The following NAALADL2 variants were observed in gnomAD, a reference collection of about 807,000 sequenced individuals.
NAALADL2 encodes the protein N-acetylated alpha-linked acidic dipeptidase like 2, also known as inactive N-acetylated-alpha-linked acidic dipeptidase-like protein 2.
In NAALADL2, 76 loss-of-function variants were observed where a neutral mutation model predicts 87.2. The ratio of observed to expected loss-of-function variants is 0.87; its 90% CI spans 0.72 to 1.05. NAALADL2 has a LOEUF of 1.05. Ranked by LOEUF, NAALADL2 falls within the 50% of genes least tolerant of loss-of-function variation. The pLI, the probability that NAALADL2 is intolerant of heterozygous loss-of-function variation, is 0.00. For missense variants in NAALADL2, 1,089 were observed against 945.8 expected (o/e 1.15, Z -1.99); for synonymous variants, 354 against 331.0 (o/e 1.07, Z -0.75).
intron 5 of NAALADL2, among the ~76,000 whole-genome samples, chr3:175,352,046 G>A (rs185153214): frequency 7.2e-4 from 110 of 152,162 alleles, no homozygotes; most frequent in African/African-American, 1.9e-3. Flanking sequence ...ACAGTGACAC[G>A]CATGCATCGA....
chr3:174,657,046 T>C (rs1725020023), intron 2 of NAALADL2, among the ~76,000 whole-genome samples: 1 of 144,266 alleles, frequency 6.9e-6, no homozygotes, highest in East Asian at 2.0e-4. Flanking sequence ...TTCTTCTTTT[T>C]TTTTTTTTTT....
At chr3:174,812,296 A>G (rs886362913) in intron 3 of NAALADL2, among the ~76,000 whole-genome samples, 43 of 152,184 alleles carry the variant, frequency 2.8e-4, no homozygotes, top group African/African-American at 9.9e-4. Flanking sequence ...ATAGTCCCAT[A>G]TAAGATTTTA....
chr3:174,490,953 A>G (rs1179739458), intron 1 of NAALADL2, among the ~76,000 whole-genome samples: 2 of 152,156 alleles, frequency 1.3e-5, no homozygotes, highest in East Asian at 3.9e-4. Context: ...GAGAGATAAC[A>G]TACTTTAAGA....
chr3:174,601,111 A>T (rs1718414471), intron 2 of NAALADL2, among the ~76,000 whole-genome samples: 2 of 152,144 alleles, frequency 1.3e-5, no homozygotes, highest in Admixed American at 6.6e-5. Flanking sequence ...AGAAGTACAG[A>T]TATCTCTTCA....
intron 13 of NAALADL2, among the ~76,000 whole-genome samples, chr3:175,784,307 A>C (rs1028204704): frequency 6.6e-6 from 1 of 152,100 alleles, no homozygotes; most frequent in Non-Finnish European, 1.5e-5. Context: ...CCTCTGATAG[A>C]ATTCGGCTGT....
intron 3 of NAALADL2, among the ~76,000 whole-genome samples, chr3:174,809,325 G>A (rs1386936481): frequency 6.6e-6 from 1 of 152,114 alleles, no homozygotes; most frequent in Non-Finnish European, 1.5e-5. Context: ...AAGGAACCAC[G>A]CTATGTAAAA....
At chr3:174,790,856 T>C (rs565392777) in intron 3 of NAALADL2, among the ~76,000 whole-genome samples, 184 of 152,302 alleles carry the variant, frequency 1.2e-3, no homozygotes, top group South Asian at 8.9e-3. Flanking sequence ...TTATTTACTA[T>C]AGTTTTATAG....
intron 1 of NAALADL2, among the ~76,000 whole-genome samples, chr3:174,860,732 C>G (rs535836067): frequency 6.6e-6 from 1 of 152,070 alleles, no homozygotes. Flanking sequence ...AGGCCTCTTT[C>G]CATTTCACTC....
chr3:175,128,708 C>T (rs1488357915), intron 2 of NAALADL2, among the ~76,000 whole-genome samples: 2 of 152,210 alleles, frequency 1.3e-5, no homozygotes, highest in Non-Finnish European at 1.5e-5. Flanking sequence ...GCATTCTTTT[C>T]ATTTCAGATT....
At chr3:174,942,737 A>C (rs1738810716) in intron 1 of NAALADL2, among the ~76,000 whole-genome samples, 1 of 151,936 alleles carries the variant, frequency 6.6e-6, no homozygotes, top group Non-Finnish European at 1.5e-5. Flanking sequence ...GCTCCGTTTT[A>C]TTATTATTTT....
At chr3:175,405,033 A>G (rs1021737545) in intron 5 of NAALADL2, among the ~76,000 whole-genome samples, 29 of 152,184 alleles carry the variant, frequency 1.9e-4, no homozygotes, top group Non-Finnish European at 1.8e-4. Context: ...AGTACAATCT[A>G]TACAATCACC....
At chr3:175,174,447 C>T (rs1735374835) in intron 2 of NAALADL2, among the ~76,000 whole-genome samples, 1 of 151,958 alleles carries the variant, frequency 6.6e-6, no homozygotes, top group Admixed American at 6.6e-5. Context: ...ATCTGAATAT[C>T]TATTTGCGTC....
chr3:175,267,061 C>A (rs913773372), intron 4 of NAALADL2, among the ~76,000 whole-genome samples: 1 of 150,036 alleles, frequency 6.7e-6, no homozygotes, highest in Non-Finnish European at 1.5e-5. Flanking sequence ...GCTAATTGAT[C>A]AATTAAAATT....
chr3:175,423,028 A>AAAAAAAAAAAAAAT (rs1438736874), intron 5 of NAALADL2, among the ~76,000 whole-genome samples: 1 of 111,322 alleles, frequency 9.0e-6, no homozygotes, highest in African/African-American at 4.1e-5. Flanking sequence ...GAAAAAAAAA[A>AAAAAAAAAAAAAAT]ATATATATAT....
At chr3:174,648,446 T>C (rs1724028784) in intron 2 of NAALADL2, among the ~76,000 whole-genome samples, 1 of 152,172 alleles carries the variant, frequency 6.6e-6, no homozygotes, top group South Asian at 2.1e-4. Context: ...CTGCAGTTCT[T>C]AGAACATATC....
chr3:175,696,630 A>C (rs548800146), intron 11 of NAALADL2, among the ~76,000 whole-genome samples: 1 of 152,272 alleles, frequency 6.6e-6, no homozygotes, highest in South Asian at 2.1e-4. Flanking sequence ...AGGGACATCA[A>C]GGAGAAAAAT....
chr3:174,644,812 G>A (rs1723613667), intron 2 of NAALADL2, among the ~76,000 whole-genome samples: 1 of 152,140 alleles, frequency 6.6e-6, no homozygotes, highest in Admixed American at 6.5e-5. Flanking sequence ...TTGCATGCCT[G>A]CAAAAAGACT....
intron 2 of NAALADL2, among the ~76,000 whole-genome samples, chr3:175,215,060 A>T (rs1742311031): frequency 6.6e-6 from 1 of 152,110 alleles, no homozygotes; most frequent in African/African-American, 2.4e-5. Context: ...TTTTTTTCCC[A>T]AATGAAGTTA....
intron 1 of NAALADL2, among the ~76,000 whole-genome samples, chr3:175,008,057 A>G (rs182418798): frequency 2.5e-4 from 38 of 152,214 alleles, no homozygotes; most frequent in African/African-American, 8.4e-4. Flanking sequence ...TCATTACACT[A>G]TTCAGAATAA....
Sources: allele counts gnomAD v4.1 joint callset (sites outside exome capture counted in the v4.1 genomes callset), GRCh38; gene constraint gnomAD v4.1.1; transcripts MANE v1.5; gene names NCBI Gene and HGNC (gene_info 2026-07-23, HGNC 2026-07-21).